DCC: variants seen among roughly 807,000 people sequenced by gnomAD.
DCC encodes DCC netrin 1 receptor.
DCC carries 58 observed loss-of-function variants against 172.5 expected under a neutral mutation model. The ratio of observed to expected loss-of-function variants is 0.34; its 90% CI spans 0.27 to 0.42. The LOEUF (loss-of-function observed/expected upper bound fraction) is 0.42, where lower values mean the gene tolerates loss of function less well. Ranked by LOEUF, DCC falls within the 10% of genes least tolerant of loss-of-function variation. The pLI, the probability that DCC is intolerant of heterozygous loss-of-function variation, is 1.00. For missense variants in DCC, 1,740 were observed against 1,791.0 expected (o/e 0.97, Z 0.51); for synonymous variants, 709 against 644.5 (o/e 1.10, Z -1.52).
intron 1 of DCC, among the ~76,000 whole-genome samples, chr18:52,409,412 G>T (rs975682013): frequency 1.3e-5 from 2 of 152,108 alleles, no homozygotes; most frequent in African/African-American, 4.8e-5. Flanking sequence ...ATATGAAATT[G>T]CTGATATTCA....
chr18:52,654,121 CAAATTCCTCA>C (rs1431399306), intron 1 of DCC, among the ~76,000 whole-genome samples: 4 of 152,116 alleles, frequency 2.6e-5, no homozygotes, highest in African/African-American at 4.8e-5. Context: ...ATTAAGGTAC[CAAATTCCTCA>C]CATATTGCCA....
chr18:52,501,016 G>A (rs1398853516), intron 1 of DCC, among the ~76,000 whole-genome samples: 1 of 152,072 alleles, frequency 6.6e-6, no homozygotes, highest in South Asian at 2.1e-4. Context: ...TAAAATTATA[G>A]TAGTATCCAC....
chr18:53,405,047 G>A (rs878984021), intron 19 of DCC, among the ~76,000 whole-genome samples: 83 of 152,180 alleles, frequency 5.5e-4, no homozygotes, highest in Admixed American at 4.8e-3. Context: ...GAATTTCTGT[G>A]TCATGTGTAT....
chr18:52,556,154 A>G (rs775399622), intron 1 of DCC, among the ~76,000 whole-genome samples: 1 of 152,150 alleles, frequency 6.6e-6, no homozygotes. Context: ...AATCCTATAC[A>G]TTCCTCATAG....
intron 12 of DCC, among the ~76,000 whole-genome samples, chr18:53,258,201 C>G (rs1421975363): frequency 6.6e-6 from 1 of 152,050 alleles, no homozygotes; most frequent in Non-Finnish European, 1.5e-5. Context: ...TTTTTTGTGT[C>G]TCTATTTCCT....
At chr18:52,892,860 A>G (rs542349044) in intron 2 of DCC, among the ~76,000 whole-genome samples, 6 of 152,192 alleles carry the variant, frequency 3.9e-5, no homozygotes, top group South Asian at 4.1e-4. Flanking sequence ...ATTAGCTCCA[A>G]TTTTCCCCCA....
At chr18:53,004,913 G>A (rs1387583834) in intron 5 of DCC, among the ~76,000 whole-genome samples, 1 of 152,214 alleles carries the variant, frequency 6.6e-6, no homozygotes, top group Non-Finnish European at 1.5e-5. Context: ...ATGCACCAGT[G>A]TTGACAGGTG....
In DCC at chr18:52,602,995, T is replaced by G. The variant is rs775534753; in HGVS notation, c.92-149059T>G. ...TGATCAGTACAAAAAGACACATTTA[T>G]GTTGACAAGAAAAGAGTATCTAATG... On this transcript the variant is annotated intron_variant, in intron 1 of 28. Transcript: ENST00000442544. Among the ~76,000 whole-genome samples the G allele has an allele frequency of 5.3e-5, 8 of 152,192 alleles. No individual in the cohort carries two copies. The East Asian group carries it at 5.8e-4, about 11-fold the overall frequency.
At chr18:52,906,470 G>T in intron 3 of DCC, 142 bp downstream of exon 3, 1 of 911,078 alleles carries the variant, frequency 1.1e-6, no homozygotes, top group Non-Finnish European at 1.6e-6. Flanking sequence ...TTTCTTCCTT[G>T]CCGAAGCATT....
rs781674471 is a variant in DCC at position 53,063,292 on chromosome 18, T to TC, written c.986-12dup. 33 of 1,612,984 alleles carry TC rather than the reference T, an allele frequency of 2.0e-5. No homozygotes were observed. The highest frequency in any genetic ancestry group is 2.7e-5 in the Non-Finnish European group (32 of 1,179,322). On this transcript the variant is annotated splice_polypyrimidine_tract_variant and intron_variant, in intron 5 of 28. Transcript: ENST00000442544. ...CCACCCACTCACTCACTTTTTTTTT[T>TC]CTGTCTTTGCAGTTCCGCCATGGTT... is the stretch of plus-strand genomic sequence containing the variant.
intron 21 of DCC, among the ~76,000 whole-genome samples, chr18:53,420,001 G>A (rs979899968): frequency 4.0e-5 from 6 of 151,862 alleles, no homozygotes; most frequent in African/African-American, 7.3e-5. Context: ...TTACAAGTGC[G>A]TGCCACCACA....
chr18:53,453,855 G>T (rs557747605), intron 23 of DCC, among the ~76,000 whole-genome samples: 83 of 152,072 alleles, frequency 5.5e-4, no homozygotes, highest in African/African-American at 2.0e-3. Flanking sequence ...CCAGAGCCAG[G>T]TAACAATCTT....
intron 1 of DCC, among the ~76,000 whole-genome samples, chr18:52,357,818 G>A (rs1598858750): frequency 6.6e-6 from 1 of 151,804 alleles, no homozygotes; most frequent in Non-Finnish European, 1.5e-5. Context: ...GGTGCCTGTA[G>A]TCCCAGCTAC....
chr18:52,624,463 T>C (rs889605020), intron 1 of DCC, among the ~76,000 whole-genome samples: 1 of 152,186 alleles, frequency 6.6e-6, no homozygotes, highest in Non-Finnish European at 1.5e-5. Flanking sequence ...GAGTTTATTT[T>C]TCGCACTTAA....
At chr18:53,461,276 T>C (rs2045555922) in intron 24 of DCC, among the ~76,000 whole-genome samples, 1 of 151,172 alleles carries the variant, frequency 6.6e-6, no homozygotes, top group Non-Finnish European at 1.5e-5. Flanking sequence ...GCAGAAGCTC[T>C]TTAGTTTAAT....
chr18:52,421,869 C>A (rs1403319933), intron 1 of DCC, among the ~76,000 whole-genome samples: 1 of 152,162 alleles, frequency 6.6e-6, no homozygotes, highest in African/African-American at 2.4e-5. Context: ...GGCCCAATGG[C>A]CCCTGCACTC....
At chr18:53,037,887 C>A (rs2042117987) in intron 5 of DCC, among the ~76,000 whole-genome samples, 1 of 151,658 alleles carries the variant, frequency 6.6e-6, no homozygotes, top group South Asian at 2.1e-4. Context: ...TGAAAATGTT[C>A]TATAATGTTT....
chr18:53,510,015 C>T (rs1489037387), intron 27 of DCC, among the ~76,000 whole-genome samples: 1 of 152,196 alleles, frequency 6.6e-6, no homozygotes, highest in Non-Finnish European at 1.5e-5. Context: ...TGTCCTTCTT[C>T]TGCAACAATC....
intron 2 of DCC, among the ~76,000 whole-genome samples, chr18:52,835,712 A>G (rs1238512342): frequency 3.9e-5 from 6 of 152,242 alleles, no homozygotes; most frequent in Non-Finnish European, 8.8e-5. Flanking sequence ...ATTTTAAGGT[A>G]TATTTCCATT....
Sources: allele counts gnomAD v4.1 joint callset (sites outside exome capture counted in the v4.1 genomes callset), GRCh38; gene constraint gnomAD v4.1.1; transcripts MANE v1.5; gene names NCBI Gene and HGNC (gene_info 2026-07-23, HGNC 2026-07-21).